The following DCLK1 variants were observed in gnomAD, a reference collection of about 807,000 sequenced individuals.
DCLK1 encodes serine/threonine-protein kinase DCLK1.
In DCLK1, 16 loss-of-function variants were observed where a neutral mutation model predicts 86.2. The observed-to-expected ratio is 0.19, with a 90% confidence interval of 0.13 to 0.28. The LOEUF (loss-of-function observed/expected upper bound fraction) is 0.28. DCLK1 is among the 10% of genes least tolerant of loss of function. The pLI, the probability that DCLK1 is intolerant of heterozygous loss-of-function variation, is 1.00. For synonymous variants in DCLK1, 369 were observed against 370.5 expected (o/e 1.00, Z 0.05); for missense variants, 590 against 940.2 (o/e 0.63, Z 4.87).
chr13:35,995,128 T>A (rs1399119920), intron 3 of DCLK1, among the ~76,000 whole-genome samples: 1 of 152,232 alleles, frequency 6.6e-6, no homozygotes, highest in Non-Finnish European at 1.5e-5. Flanking sequence ...TGGAGTTTCT[T>A]CCTTTTCTTT....
At chr13:36,090,996 A>T (rs1296217841) in intron 3 of DCLK1, among the ~76,000 whole-genome samples, 1 of 152,126 alleles carries the variant, frequency 6.6e-6, no homozygotes, top group Non-Finnish European at 1.5e-5. Context: ...TTCTTTTGAG[A>T]AGTGTCTGTT....
chr13:35,847,890 C>G (rs1870330187), intron 6 of DCLK1: 1 of 985,144 alleles, frequency 1.0e-6, no homozygotes, highest in Admixed American at 6.2e-5. Context: ...CTAGATTTTT[C>G]CCCCTGCCTA....
chr13:36,077,574 T>G (rs959055390), intron 3 of DCLK1, among the ~76,000 whole-genome samples: 1 of 152,128 alleles, frequency 6.6e-6, no homozygotes, highest in African/African-American at 2.4e-5. Context: ...AGAAAATATA[T>G]ATATAAAGAA....
chr13:36,004,536 A>G (rs866945580), intron 3 of DCLK1, among the ~76,000 whole-genome samples: 5 of 152,318 alleles, frequency 3.3e-5, no homozygotes, highest in Middle Eastern at 6.8e-3. Flanking sequence ...TCTTAAGAAG[A>G]GAATACTCAG....
At chr13:35,973,566 A>G (rs1245059123) in intron 3 of DCLK1, among the ~76,000 whole-genome samples, 1 of 152,226 alleles carries the variant, frequency 6.6e-6, no homozygotes, top group Non-Finnish European at 1.5e-5. Context: ...ATGAATACAC[A>G]TCTTTAGATT....
intron 6 of DCLK1, among the ~76,000 whole-genome samples, chr13:35,845,548 G>A (rs1433893281): frequency 6.6e-6 from 1 of 152,094 alleles, no homozygotes; most frequent in Non-Finnish European, 1.5e-5. Flanking sequence ...GACACCATTA[G>A]TGGTTTTAAA....
intron 14 of DCLK1, 67 bp downstream of exon 14, chr13:35,808,157 T>C: frequency 2.8e-6 from 4 of 1,443,406 alleles, no homozygotes; most frequent in East Asian, 2.3e-5. Context: ...TTGCACACAA[T>C]GATTTGGAAA....
chr13:35,970,736 A>G (rs1456754414), intron 3 of DCLK1, among the ~76,000 whole-genome samples: 1 of 152,226 alleles, frequency 6.6e-6, no homozygotes, highest in Non-Finnish European at 1.5e-5. Flanking sequence ...TATGATACAC[A>G]AATTTCTATT....
chr13:35,994,570 G>A (rs1405890788), intron 3 of DCLK1, among the ~76,000 whole-genome samples: 1 of 152,146 alleles, frequency 6.6e-6, no homozygotes, highest in Non-Finnish European at 1.5e-5. Flanking sequence ...AAAAAAGGCA[G>A]CCAACTGGTG....
chr13:36,039,804 A>G (rs539910830), intron 3 of DCLK1, among the ~76,000 whole-genome samples: 121 of 152,344 alleles, frequency 7.9e-4, no homozygotes, highest in African/African-American at 2.8e-3. Flanking sequence ...TGAATTTATT[A>G]GCAAAACACT....
At chr13:35,835,207 C>T (rs74823738) in intron 8 of DCLK1, among the ~76,000 whole-genome samples, 163 of 152,212 alleles carry the variant, frequency 1.1e-3, no homozygotes, top group African/African-American at 3.6e-3. Context: ...AGCCCCACTG[C>T]GGGCAGAGAA....
At chr13:36,042,368 T>G (rs1882729046) in intron 3 of DCLK1, among the ~76,000 whole-genome samples, 1 of 152,214 alleles carries the variant, frequency 6.6e-6, no homozygotes, top group African/African-American at 2.4e-5. Context: ...GCTCACTAAA[T>G]TGGTTGAGAA....
At chr13:36,004,759 G>A (rs145532250) in intron 3 of DCLK1, among the ~76,000 whole-genome samples, 120 of 152,116 alleles carry the variant, frequency 7.9e-4, no homozygotes, top group African/African-American at 2.7e-3. Context: ...CATTTTTTTC[G>A]TAGAAACAGG....
Position 35,827,725 on chromosome 13 carries a change from A to G in DCLK1, c.1317T>C (p.Ile439=). The change falls in exon 10 of 17, where the codon ATT becomes ATC. Residue 439 remains isoleucine (I), a synonymous_variant. Transcript: ENST00000360631. ...KEHMIQNEVS[I]LRRVKHPNIV... Reference sequence around the variant, plus strand: ...TATTGGGATGCTTCACTCTTCTTAAAATAGACACTTCATTCTGGATCATGT... The same window carrying G: ...TATTGGGATGCTTCACTCTTCTTAAGATAGACACTTCATTCTGGATCATGT... 2 of 1,613,952 alleles carry G rather than the reference A, an allele frequency of 1.2e-6. No individual in the cohort carries two copies. Among genetic ancestry groups the G allele is most frequent in the Non-Finnish European group, 1.7e-6 (2 of 1,179,982 alleles).
At chr13:35,795,140 C>A (rs972192814) in intron 15 of DCLK1, among the ~76,000 whole-genome samples, 8 of 152,182 alleles carry the variant, frequency 5.3e-5, no homozygotes, top group Admixed American at 1.3e-4. Context: ...TGAACAGTTA[C>A]AGCTGACGTC....
At chr13:35,966,087 C>T (rs1878720555) in intron 3 of DCLK1, among the ~76,000 whole-genome samples, 1 of 152,278 alleles carries the variant, frequency 6.6e-6, no homozygotes, top group African/African-American at 2.4e-5. Context: ...TGGGTTGCCA[C>T]CCATTAGGGT....
At chr13:35,948,707 T>A (rs1461455284) in intron 3 of DCLK1, among the ~76,000 whole-genome samples, 2 of 152,202 alleles carry the variant, frequency 1.3e-5, no homozygotes, top group African/African-American at 4.8e-5. Context: ...GGAATTTCTA[T>A]AAGAGTTTGA....
chr13:35,919,931 T>C (rs1257585140), intron 4 of DCLK1, among the ~76,000 whole-genome samples: 1 of 151,250 alleles, frequency 6.6e-6, no homozygotes, highest in Non-Finnish European at 1.5e-5. Context: ...GAGAATTATA[T>C]AAATTCACCC....
chr13:35,946,761 G>A (rs1877405001), intron 4 of DCLK1, among the ~76,000 whole-genome samples: 1 of 152,120 alleles, frequency 6.6e-6, no homozygotes, highest in African/African-American at 2.4e-5. Flanking sequence ...CATTCTTAAA[G>A]CCACAACATT....
Sources: allele counts gnomAD v4.1 joint callset (sites outside exome capture counted in the v4.1 genomes callset), GRCh38; gene constraint gnomAD v4.1.1; transcripts MANE v1.5; gene names NCBI Gene and HGNC (gene_info 2026-07-23, HGNC 2026-07-21).